The following MAST2 variants were observed in gnomAD, a reference collection of about 807,000 sequenced individuals.
MAST2 encodes microtubule associated serine/threonine kinase 2, also known as microtubule-associated serine/threonine-protein kinase 2.
MAST2 carries 70 observed loss-of-function variants against 147.4 expected under a neutral mutation model. The observed-to-expected ratio is 0.47, with a 90% CI of 0.39 to 0.58. The LOEUF (loss-of-function observed/expected upper bound fraction) is 0.58, where lower values mean the gene tolerates loss of function less well. MAST2 is among the 20% of genes least tolerant of loss of function. MAST2 has a pLI of 0.00. For missense variants in MAST2, 2,080 were observed against 2,302.3 expected, an observed-to-expected ratio of 0.90 and a Z score of 1.98; for synonymous variants, 869 against 896.8, an observed-to-expected ratio of 0.97 and a Z score of 0.55.
At chr1:45,975,133 C>T (rs1644083292) in intron 5 of MAST2, among the ~76,000 whole-genome samples, 1 of 152,068 alleles carries the variant, frequency 6.6e-6, no homozygotes, top group Non-Finnish European at 1.5e-5. Context: ...AGAGAGCTGC[C>T]AAGGAAGCTG....
Position 46,030,018 on chromosome 1 carries a change from C to T in MAST2, c.2443+65C>T, listed in dbSNP as rs373710296. On this transcript the variant is annotated intron_variant, in intron 20 of 28. Coordinates refer to ENST00000361297, the MANE Select transcript of MAST2 (RefSeq NM_015112.3). The stretch of plus-strand genomic sequence containing the variant: ...CTGTTTGCCTAGAAACACCTGTGCA[C>T]ACTGAAATTGCATTGGGAGCAACTT... 1,731 of 1,608,290 alleles carry T rather than the reference C, an allele frequency of 1.1e-3. 29 individuals carry two copies. The South Asian group carries it at 0.018, about 17-fold the overall frequency.
intron 4 of MAST2, among the ~76,000 whole-genome samples, chr1:45,944,033 A>G (rs1199989971): frequency 1.3e-5 from 2 of 152,178 alleles, no homozygotes; most frequent in African/African-American, 2.4e-5. Context: ...ACCCTGAATT[A>G]TTTCCTGCAT....
chr1:45,889,729 C>T (rs990658202), intron 4 of MAST2, among the ~76,000 whole-genome samples: 1 of 152,016 alleles, frequency 6.6e-6, no homozygotes, highest in Non-Finnish European at 1.5e-5. Flanking sequence ...TCTCAGCCTC[C>T]TGAGTAGCTG....
At chr1:45,998,727 C>A (rs958039248) in intron 6 of MAST2, among the ~76,000 whole-genome samples, 1 of 150,918 alleles carries the variant, frequency 6.6e-6, no homozygotes, top group Non-Finnish European at 1.5e-5. Context: ...AATACTTAGA[C>A]TACTTTTTTT....
chr1:45,856,896 G>A (rs1420564326), intron 3 of MAST2, among the ~76,000 whole-genome samples: 1 of 151,994 alleles, frequency 6.6e-6, no homozygotes, highest in Non-Finnish European at 1.5e-5. Context: ...ACTTAAGCTA[G>A]TTATTTTTAA....
Position 45,806,325 on chromosome 1 carries a change from T to C in MAST2, c.177+2253T>C, listed in dbSNP as rs555127757. 5.9e-5 allele frequency among the ~76,000 whole-genome samples: 9 copies of C among 152,382 alleles called. No homozygotes were observed. In the South Asian group the frequency reaches 1.7e-3, roughly 28 times the overall value. On this transcript the variant is annotated intron_variant, in intron 1 of 28. Coordinates refer to ENST00000361297, the MANE Select transcript of MAST2 (RefSeq NM_015112.3). ...GATCATGTCTTGAGACTCATCCATG[T>C]TGTTGCTTGTAGAAACAGTTCTTTT...
Position 45,987,762 on chromosome 1 carries a change from G to GTTT in MAST2, c.593-9951_593-9949dup, listed in dbSNP as rs11462786. On this transcript the variant is annotated intron_variant, in intron 5 of 28. Transcript: ENST00000361297. ...AAGGTAGAAAGTGAGAGCATTTCTT[G>GTTT]TTTTTTTTTTTTTGATTTTTTTTTT... 4.8e-4 allele frequency among the ~76,000 whole-genome samples: 30 copies of GTTT among 62,730 alleles called. 1 individual carries two copies. Among genetic ancestry groups the GTTT allele is most frequent in the Middle Eastern group, 0.01 (1 of 98 alleles). 41.2% of individuals were successfully genotyped at this position (62,730 alleles called of 152,430 possible).
At chr1:45,878,151 C>T (rs947046429) in intron 3 of MAST2, among the ~76,000 whole-genome samples, 9 of 144,534 alleles carry the variant, frequency 6.2e-5, no homozygotes, top group Non-Finnish European at 1.2e-4. Flanking sequence ...GTGCAGTGAG[C>T]AGAGATCACG....
At chr1:45,962,535 T>A (rs1002235229) in intron 5 of MAST2, among the ~76,000 whole-genome samples, 4 of 152,240 alleles carry the variant, frequency 2.6e-5, no homozygotes, top group African/African-American at 4.8e-5. Context: ...TGATGAGCAT[T>A]TTTTCATGTG....
chr1:45,923,306 T>G lies in MAST2; in HGVS notation c.501-36080T>G, dbSNP rs1363982465. 2.0e-5 allele frequency among the ~76,000 whole-genome samples: 3 copies of G among 152,174 alleles called. No homozygotes were observed. The East Asian group carries it at 5.8e-4, about 29-fold the overall frequency. ...TGCACCGGAAGACCCGTGTCCTGCA[T>G]CTGTACCCCACTGCAGCCGGCGTCA... On this transcript the variant is annotated intron_variant, in intron 4 of 28. Coordinates refer to ENST00000361297, the MANE Select transcript of MAST2 (RefSeq NM_015112.3).
intron 1 of MAST2, among the ~76,000 whole-genome samples, chr1:45,806,599 A>G (rs1644148881): frequency 6.6e-6 from 1 of 152,044 alleles, no homozygotes; most frequent in Non-Finnish European, 1.5e-5. Flanking sequence ...TCTTTTTGAG[A>G]CAGAGTCTTG....
intron 10 of MAST2, among the ~76,000 whole-genome samples, chr1:46,019,062 C>G (rs1241453261): frequency 6.6e-6 from 1 of 152,240 alleles, no homozygotes; most frequent in African/African-American, 2.4e-5. Flanking sequence ...TAACCCACGT[C>G]TATCCCCTTG....
chr1:45,856,620 CTT>C (rs772813260), intron 3 of MAST2, among the ~76,000 whole-genome samples: 1 of 152,100 alleles, frequency 6.6e-6, no homozygotes, highest in African/African-American at 2.4e-5. Context: ...AACGTTCTGT[CTT>C]TTGAAAAGAT....
intron 5 of MAST2, among the ~76,000 whole-genome samples, chr1:45,982,201 A>G (rs1006964210): frequency 1.3e-5 from 2 of 152,182 alleles, no homozygotes; most frequent in African/African-American, 4.8e-5. Context: ...AGAAAACCCA[A>G]TAAAAGTAGC....
chr1:45,818,576 C>T (rs1644525847), intron 1 of MAST2, among the ~76,000 whole-genome samples: 1 of 152,188 alleles, frequency 6.6e-6, no homozygotes, highest in African/African-American at 2.4e-5. Flanking sequence ...TGCTGAATGA[C>T]TGTAGGATGG....
intron 3 of MAST2, among the ~76,000 whole-genome samples, chr1:45,855,376 GTC>G (rs1468732613): frequency 1.3e-5 from 2 of 151,718 alleles, no homozygotes; most frequent in East Asian, 1.9e-4. Flanking sequence ...AAAATAGTGT[GTC>G]TCTGCATTTA....
intron 4 of MAST2, among the ~76,000 whole-genome samples, chr1:45,886,831 TTTTG>T (rs1317290361): frequency 6.6e-6 from 1 of 152,150 alleles, no homozygotes; most frequent in Non-Finnish European, 1.5e-5. Context: ...GTTGTTGTTA[TTTTG>T]TTTGTTTTTG....
At chr1:45,841,610 T>C (rs987501086) in intron 3 of MAST2, among the ~76,000 whole-genome samples, 1 of 152,136 alleles carries the variant, frequency 6.6e-6, no homozygotes, top group African/African-American at 2.4e-5. Context: ...TAGTCTCTGC[T>C]GGGCAAGGTG....
intron 3 of MAST2, among the ~76,000 whole-genome samples, chr1:45,859,690 C>T (rs1645912818): frequency 6.6e-6 from 1 of 152,184 alleles, no homozygotes; most frequent in Non-Finnish European, 1.5e-5. Context: ...ATTTTATTCA[C>T]TTACTGATAA....
Sources: allele counts gnomAD v4.1 joint callset (sites outside exome capture counted in the v4.1 genomes callset), GRCh38; gene constraint gnomAD v4.1.1; transcripts MANE v1.5; gene names NCBI Gene and HGNC (gene_info 2026-07-23, HGNC 2026-07-21).